The following DPYD variants were observed in gnomAD, a reference collection of about 807,000 sequenced individuals.
The protein encoded by DPYD is dihydropyrimidine dehydrogenase.
A neutral mutation model predicts 116.2 loss-of-function variants in DPYD; 109 were observed. That is an observed-to-expected ratio of 0.94 (90% CI 0.80 to 1.10). The LOEUF (loss-of-function observed/expected upper bound fraction) is 1.10. Ranked by LOEUF, DPYD falls within the 50% of genes least tolerant of loss-of-function variation. The pLI is 0.00. For synonymous variants in DPYD, 440 were observed against 432.0 expected (o/e 1.02, Z -0.23); for missense variants, 1,302 against 1,254.5 (o/e 1.04, Z -0.57).
chr1:97,083,274 T>C (rs1053914397), intron 21 of DPYD, among the ~76,000 whole-genome samples: 2 of 152,168 alleles, frequency 1.3e-5, no homozygotes, highest in African/African-American at 4.8e-5. Flanking sequence ...TCAAGATTTT[T>C]GCTTTTGTTT....
intron 3 of DPYD, among the ~76,000 whole-genome samples, chr1:97,806,444 T>C (rs1307633715): frequency 6.6e-6 from 1 of 151,958 alleles, no homozygotes; most frequent in Admixed American, 6.6e-5. Context: ...ACTGGATGTG[T>C]GTATATCATC....
intron 1 of DPYD, among the ~76,000 whole-genome samples, chr1:97,919,652 T>C (rs761858722): frequency 3.9e-5 from 6 of 152,098 alleles, no homozygotes; most frequent in Non-Finnish European, 7.4e-5. Context: ...AAATGAAATA[T>C]AGAAAAAGAC....
At chr1:97,671,481 G>A (rs1387002469) in intron 8 of DPYD, among the ~76,000 whole-genome samples, 3 of 152,082 alleles carry the variant, frequency 2.0e-5, no homozygotes, top group Non-Finnish European at 2.9e-5. Flanking sequence ...CAGAACTAAT[G>A]AATATGTCTT....
chr1:97,101,114 A>C (rs1419284940), intron 20 of DPYD, among the ~76,000 whole-genome samples: 2 of 151,792 alleles, frequency 1.3e-5, no homozygotes, highest in Non-Finnish European at 2.9e-5. Context: ...AAAAAATACC[A>C]AATATCAGTG....
chr1:97,203,142 G>A (rs1659326681), intron 19 of DPYD, among the ~76,000 whole-genome samples: 1 of 152,064 alleles, frequency 6.6e-6, no homozygotes, highest in African/African-American at 2.4e-5. Context: ...ATCAGGCTTT[G>A]GTGCTGCATC....
intron 14 of DPYD, among the ~76,000 whole-genome samples, chr1:97,425,014 A>C (rs538125449): frequency 6.6e-6 from 1 of 152,184 alleles, no homozygotes; most frequent in African/African-American, 2.4e-5. Flanking sequence ...ATTTCATATA[A>C]ATTTCACAGA....
At chr1:97,457,458 T>C (rs1676749084) in intron 13 of DPYD, among the ~76,000 whole-genome samples, 1 of 152,178 alleles carries the variant, frequency 6.6e-6, no homozygotes, top group Admixed American at 6.5e-5. Context: ...AAAGAGCTTA[T>C]GATTTTGTAA....
intron 8 of DPYD, among the ~76,000 whole-genome samples, chr1:97,600,945 A>G (rs1345075567): frequency 6.6e-6 from 1 of 152,160 alleles, no homozygotes. Context: ...AACTTCATTC[A>G]TTCTATAGAC....
intron 18 of DPYD, among the ~76,000 whole-genome samples, chr1:97,287,481 T>C (rs1354614824): frequency 6.6e-6 from 1 of 152,154 alleles, no homozygotes; most frequent in East Asian, 1.9e-4. Context: ...GACATTTAAG[T>C]CTGCAGAGGT....
intron 3 of DPYD, among the ~76,000 whole-genome samples, chr1:97,817,719 C>G (rs1385109207): frequency 6.6e-6 from 1 of 151,900 alleles, no homozygotes; most frequent in East Asian, 1.9e-4. Flanking sequence ...CTTGTAAAAG[C>G]CTGATTCAAA....
rs555893633 is a variant in DPYD, at chr1:97,437,558, C to A, written c.1905+12501G>T. On this transcript the variant is annotated intron_variant, in intron 14 of 22. Transcript: ENST00000370192. ...TGTATAGATATATGTTTTGTTTTCT[C>A]TTGGGTAGATATCTAAAAGTAAAAT... Among the ~76,000 whole-genome samples the A allele has an allele frequency of 2.6e-5, 4 of 151,730 alleles. No homozygotes were observed. The East Asian group carries it at 7.7e-4, about 29-fold the overall frequency.
At chr1:97,367,293 A>C (rs568909228) in intron 16 of DPYD, among the ~76,000 whole-genome samples, 29 of 151,968 alleles carry the variant, frequency 1.9e-4, no homozygotes, top group Non-Finnish European at 3.2e-4. Context: ...TAAAAAAAAA[A>C]ACATACAGTT....
At chr1:97,877,684 A>G (rs1345303042) in intron 2 of DPYD, among the ~76,000 whole-genome samples, 1 of 152,056 alleles carries the variant, frequency 6.6e-6, no homozygotes, top group Non-Finnish European at 1.5e-5. Context: ...TTCAAATATC[A>G]TATAACAGGA....
intron 19 of DPYD, among the ~76,000 whole-genome samples, chr1:97,219,473 C>G (rs913228651): frequency 5.9e-5 from 9 of 152,046 alleles, no homozygotes; most frequent in Non-Finnish European, 1.2e-4. Flanking sequence ...TGATGTCCTA[C>G]CATTAACAGA....
At chr1:97,426,837 A>G (rs963334467) in intron 14 of DPYD, among the ~76,000 whole-genome samples, 9 of 152,148 alleles carry the variant, frequency 5.9e-5, no homozygotes, top group Non-Finnish European at 1.3e-4. Context: ...TCTAGAAAAG[A>G]GGAGAGTTAA....
chr1:97,573,299 T>C (rs1653031846), intron 11 of DPYD, among the ~76,000 whole-genome samples: 1 of 152,114 alleles, frequency 6.6e-6, no homozygotes, highest in African/African-American at 2.4e-5. Flanking sequence ...ATTTAAACTT[T>C]CTAATTTGAT....
intron 12 of DPYD, among the ~76,000 whole-genome samples, chr1:97,523,207 A>G (rs925996403): frequency 1.3e-5 from 2 of 152,306 alleles, no homozygotes; most frequent in Non-Finnish European, 2.9e-5. Context: ...GATTAAGGAA[A>G]AGCTAAATGT....
intron 3 of DPYD, among the ~76,000 whole-genome samples, chr1:97,804,592 C>A (rs1667994917): frequency 6.6e-6 from 1 of 151,768 alleles, no homozygotes; most frequent in African/African-American, 2.4e-5. Context: ...AAGTCAAAGT[C>A]ATTTGATTGT....
intron 2 of DPYD, among the ~76,000 whole-genome samples, chr1:97,868,904 T>C (rs1558020214): frequency 6.6e-6 from 1 of 151,924 alleles, no homozygotes; most frequent in Admixed American, 6.6e-5. Flanking sequence ...ATTTACATAG[T>C]TTAAGCCAAT....
Sources: allele counts gnomAD v4.1 joint callset (sites outside exome capture counted in the v4.1 genomes callset), GRCh38; gene constraint gnomAD v4.1.1; transcripts MANE v1.5; gene names NCBI Gene and HGNC (gene_info 2026-07-23, HGNC 2026-07-21).